APBB2: variants seen among roughly 807,000 people sequenced by gnomAD.
The protein encoded by APBB2 is amyloid beta precursor protein binding family B member 2, also known as Fe65-like 1.
APBB2 carries 38 observed loss-of-function variants against 82.5 expected under a neutral mutation model. The observed-to-expected ratio is 0.46, with a 90% CI of 0.36 to 0.60. The LOEUF (loss-of-function observed/expected upper bound fraction) is 0.60, where lower values mean the gene tolerates loss of function less well. Among genes scored for constraint, APBB2 ranks in the 20% least tolerant of loss-of-function variants. The pLI is 0.00. For synonymous variants in APBB2, 341 were observed against 368.2 expected, an observed-to-expected ratio of 0.93 and a Z score of 0.85; for missense variants, 772 against 972.3, an observed-to-expected ratio of 0.79 and a Z score of 2.74.
intron 8 of APBB2, 70 bp downstream of exon 8, chr4:40,935,007 A>C: frequency 2.3e-6 from 3 of 1,298,698 alleles, no homozygotes; most frequent in Non-Finnish European, 3.2e-6. Flanking sequence ...ACAAAGAAGA[A>C]AAATATACAG....
At chr4:41,181,678 G>T (rs115585706) in intron 1 of APBB2, among the ~76,000 whole-genome samples, 1 of 152,120 alleles carries the variant, frequency 6.6e-6, no homozygotes, top group African/African-American at 2.4e-5. Flanking sequence ...GGGCACAGTG[G>T]CTCACGCCTA....
At chr4:40,869,751 T>C (rs977280291) in intron 12 of APBB2, among the ~76,000 whole-genome samples, 1 of 152,128 alleles carries the variant, frequency 6.6e-6, no homozygotes, top group East Asian at 1.9e-4. Flanking sequence ...TTGGTTTAGA[T>C]CTTTGTATTA....
chr4:40,993,248 T>C (rs949694457), intron 6 of APBB2, among the ~76,000 whole-genome samples: 7 of 152,258 alleles, frequency 4.6e-5, no homozygotes, highest in African/African-American at 1.7e-4. Flanking sequence ...ATATTCAGTG[T>C]TCATAGTGCA....
intron 6 of APBB2, among the ~76,000 whole-genome samples, chr4:40,970,646 C>T (rs968745796): frequency 3.3e-5 from 5 of 152,064 alleles, no homozygotes; most frequent in African/African-American, 9.7e-5. Context: ...CTTCCTATCT[C>T]GGGACACATG....
intron 4 of APBB2, among the ~76,000 whole-genome samples, chr4:41,038,740 T>C (rs556426786): frequency 1.3e-5 from 2 of 152,336 alleles, no homozygotes; most frequent in East Asian, 3.9e-4. Context: ...TAATAACCCC[T>C]TTATTATCCT....
At chr4:40,940,572 TATGAGAATAC>T (rs1786614949) in intron 7 of APBB2, among the ~76,000 whole-genome samples, 1 of 152,178 alleles carries the variant, frequency 6.6e-6, no homozygotes, top group East Asian at 1.9e-4. Flanking sequence ...TCTACATGTA[TATGAGAATAC>T]ACAGGCTTAA....
chr4:40,822,184 C>T (rs1748220060), intron 16 of APBB2, 134 bp from the exon 17 acceptor site: 7 of 1,027,242 alleles, frequency 6.8e-6, no homozygotes, highest in Admixed American at 4.7e-5. Flanking sequence ...TCTCGAAAGG[C>T]GGAACCTTGC....
intron 10 of APBB2, among the ~76,000 whole-genome samples, chr4:40,905,609 C>T (rs1405141242): frequency 6.6e-6 from 1 of 152,212 alleles, no homozygotes; most frequent in East Asian, 1.9e-4. Context: ...GGAGAAAGCG[C>T]ACTTGCAGAC....
intron 3 of APBB2, among the ~76,000 whole-genome samples, chr4:41,092,176 G>T (rs1266603929): frequency 1.3e-5 from 2 of 152,198 alleles, no homozygotes; most frequent in Non-Finnish European, 2.9e-5. Flanking sequence ...ATCAAAGGAG[G>T]AGTTTAACAT....
intron 1 of APBB2, among the ~76,000 whole-genome samples, chr4:41,205,274 A>C (rs574822307): frequency 6.6e-6 from 1 of 152,264 alleles, no homozygotes; most frequent in South Asian, 2.1e-4. Flanking sequence ...GTGGGTGTAA[A>C]GGGAAGAGTT....
intron 12 of APBB2, among the ~76,000 whole-genome samples, chr4:40,877,712 G>A (rs1019245496): frequency 1.3e-5 from 2 of 152,204 alleles, no homozygotes; most frequent in African/African-American, 2.4e-5. Flanking sequence ...TCTGTGAGTT[G>A]AAGATTGAGA....
chr4:41,153,134 G>A (rs1403642107), intron 1 of APBB2, among the ~76,000 whole-genome samples: 1 of 152,156 alleles, frequency 6.6e-6, no homozygotes, highest in Admixed American at 6.5e-5. Flanking sequence ...TGTTCAACCT[G>A]TAGCATTTGC....
rs1005550486 is a variant in APBB2 at position 41,020,447 on chromosome 4, G to C, written c.20-6049C>G. Among the ~76,000 whole-genome samples, 8 of 152,328 alleles carry C rather than the reference G, an allele frequency of 5.3e-5. No homozygotes were observed. In the East Asian group the frequency reaches 1.2e-3, roughly 22 times the overall value. On this transcript the variant is annotated intron_variant, in intron 5 of 17. Coordinates refer to ENST00000508593, the MANE Select transcript of APBB2 (RefSeq NM_004307.2). ...TCCTGTAGAAGCAGTTAGGAAAATT[G>C]CCTAATAATTGGTCTGCTCAAACCA...
intron 1 of APBB2, among the ~76,000 whole-genome samples, chr4:41,145,674 C>G (rs1203318643): frequency 1.3e-5 from 2 of 152,194 alleles, no homozygotes; most frequent in Non-Finnish European, 2.9e-5. Context: ...CGAAAGCTTT[C>G]TGGTCCTAGC....
chr4:41,028,452 C>G (rs1715376491), intron 5 of APBB2, among the ~76,000 whole-genome samples: 1 of 152,138 alleles, frequency 6.6e-6, no homozygotes, highest in African/African-American at 2.4e-5. Context: ...TTCTCTTTTT[C>G]TTGAACTAGA....
intron 12 of APBB2, among the ~76,000 whole-genome samples, chr4:40,837,737 A>G (rs1290034337): frequency 6.6e-6 from 1 of 152,230 alleles, no homozygotes. Flanking sequence ...GCCTGCAGTC[A>G]TGAGAATCAT....
chr4:41,049,849 A>G (rs12648127), intron 4 of APBB2, among the ~76,000 whole-genome samples: 151,632 of 152,230 alleles, frequency 1, 75,518 homozygotes, highest in Middle Eastern at 1. Context: ...AACATGTGCT[A>G]TGTCCACTCA....
intron 2 of APBB2, among the ~76,000 whole-genome samples, chr4:41,109,027 C>T (rs1748231939): frequency 6.6e-6 from 1 of 152,182 alleles, no homozygotes; most frequent in Non-Finnish European, 1.5e-5. Context: ...GCTCACTTGG[C>T]ACTTTTTAAA....
At chr4:40,875,766 T>C (rs1368526566) in intron 12 of APBB2, among the ~76,000 whole-genome samples, 1 of 152,062 alleles carries the variant, frequency 6.6e-6, no homozygotes, top group East Asian at 1.9e-4. Context: ...TTGTAGAACA[T>C]TAATATGTTA....
Sources: gnomAD v4.1 joint callset for allele counts (sites outside exome capture counted in the v4.1 genomes callset) on GRCh38, gnomAD v4.1.1 for gene constraint, MANE v1.5 for transcripts, NCBI Gene and HGNC (gene_info 2026-07-23, HGNC 2026-07-21) for gene names.